ST3GAL3: variants seen among roughly 807,000 people sequenced by gnomAD.
ST3GAL3 encodes ST3 beta-galactoside alpha-2,3-sialyltransferase 3, also known as CMP-N-acetylneuraminate-beta-1,4-galactoside alpha-2,3-sialyltransferase.
A neutral mutation model predicts 50.1 loss-of-function variants in ST3GAL3; 21 were observed. The ratio of observed to expected loss-of-function variants is 0.42; its 90% CI spans 0.30 to 0.60. The LOEUF (loss-of-function observed/expected upper bound fraction) is 0.60. Ranked by LOEUF, ST3GAL3 falls within the 20% of genes least tolerant of loss-of-function variation. The probability of loss-of-function intolerance (pLI) is 0.19; values close to 1 mark genes in which losing one functional copy is unlikely to be tolerated. For synonymous variants in ST3GAL3, 183 were observed against 190.0 expected (o/e 0.96, Z 0.30); for missense variants, 353 against 489.4 (o/e 0.72, Z 2.63).
chr1:43,797,877 T>C (rs1167459022), intron 3 of ST3GAL3, among the ~76,000 whole-genome samples: 1 of 152,144 alleles, frequency 6.6e-6, no homozygotes, highest in Non-Finnish European at 1.5e-5. Flanking sequence ...AATAACTGAG[T>C]TTAGCAAGAT....
Position 43,930,190 on chromosome 1 carries a change from G to C in ST3GAL3, c.1097G>C (p.Arg366Pro). Residue 366 changes from arginine (R) to proline (P), a missense_variant, in exon 12 of 12, where the codon CGC becomes CCC. Coordinates refer to ENST00000347631, the MANE Select transcript of ST3GAL3 (RefSeq NM_006279.5). ...KEFLRKLVKA[R>P]VITDLSSGI is the part of the protein sequence containing the mutation. ...TTTCTGCGGAAGCTGGTGAAAGCTCGCGTCATCACTGATCTAAGCAGTGGC... is the reference window on the plus strand; with the variant it reads ...TTTCTGCGGAAGCTGGTGAAAGCTCCCGTCATCACTGATCTAAGCAGTGGC... 6.2e-7 allele frequency: 1 copy of C among 1,614,002 alleles called. No individual in the cohort carries two copies. Among genetic ancestry groups the C allele is most frequent in the Non-Finnish European group, 8.5e-7 (1 of 1,180,048 alleles).
At chr1:43,712,637 A>G (rs6684338) in intron 1 of ST3GAL3, among the ~76,000 whole-genome samples, 2,021 of 152,322 alleles carry the variant, frequency 0.013, 50 homozygotes, top group African/African-American at 0.047. Flanking sequence ...AGCGCACCTG[A>G]TATCGTGGGG....
At chr1:43,871,303 G>T (rs147880431) in intron 5 of ST3GAL3, among the ~76,000 whole-genome samples, 12 of 152,322 alleles carry the variant, frequency 7.9e-5, no homozygotes, top group African/African-American at 2.6e-4. Flanking sequence ...CCCTGGTAGA[G>T]AACTCAGGAG....
At chr1:43,926,274 G>A (rs890651759) in intron 11 of ST3GAL3, among the ~76,000 whole-genome samples, 1 of 152,152 alleles carries the variant, frequency 6.6e-6, no homozygotes, top group African/African-American at 2.4e-5. Context: ...GATACTTAAC[G>A]GTTGGGCGAG....
At chr1:43,869,149 T>G (rs1175750691) in intron 5 of ST3GAL3, among the ~76,000 whole-genome samples, 1 of 152,168 alleles carries the variant, frequency 6.6e-6, no homozygotes, top group Non-Finnish European at 1.5e-5. Context: ...CATTCCCCAC[T>G]TCCAATAGCT....
intron 2 of ST3GAL3, among the ~76,000 whole-genome samples, chr1:43,759,831 T>C (rs897044362): frequency 5.9e-5 from 9 of 152,196 alleles, no homozygotes; most frequent in African/African-American, 2.2e-4. Context: ...AACATTTAAT[T>C]TCATGAAATC....
At chr1:43,762,553 T>G (rs1210609092) in intron 2 of ST3GAL3, among the ~76,000 whole-genome samples, 1 of 152,152 alleles carries the variant, frequency 6.6e-6, no homozygotes, top group East Asian at 1.9e-4. Flanking sequence ...TTATCTCCTG[T>G]GAAGGTTGTT....
rs146596717 is a variant in ST3GAL3, at chr1:43,823,427, T to A, written c.209+8494T>A. On this transcript the variant is annotated intron_variant, in intron 4 of 11. Coordinates refer to ENST00000347631, the MANE Select transcript of ST3GAL3 (RefSeq NM_006279.5). ...GCCTCAGACTCTTGGCATTTGCTCA[T>A]TCCCTTGTCTGGAACACTCTTCCCC... Among the ~76,000 whole-genome samples the A allele has an allele frequency of 2.4e-3, 364 of 152,296 alleles. 1 individual carries two copies. Among genetic ancestry groups the A allele is most frequent in the African/African-American group, 8.3e-3 (343 of 41,564 alleles).
At position 43,731,859 on chromosome 1, in the gene ST3GAL3, G is replaced by A. The variant is rs1030217506; in HGVS notation, c.-30-4374G>A. On this transcript the variant is annotated intron_variant, in intron 1 of 11. Coordinates refer to ENST00000347631, the MANE Select transcript of ST3GAL3 (RefSeq NM_006279.5). ...GACTAATTTTTAAAAAAAATTTTTT[G>A]TAGAGACAGGGTCCTACTGTGTTGC... 5.9e-5 allele frequency among the ~76,000 whole-genome samples: 9 copies of A among 151,544 alleles called. No homozygotes were observed. The East Asian group carries it at 1.6e-3, about 26-fold the overall frequency.
chr1:43,772,077 A>C (rs1382198219), intron 2 of ST3GAL3: 2 of 395,776 alleles, frequency 5.1e-6, no homozygotes, highest in Non-Finnish European at 8.8e-6. Context: ...TTGCCTAGGC[A>C]CAAGTTTCAC....
chr1:43,904,882 C>T (rs1262023776), intron 9 of ST3GAL3, among the ~76,000 whole-genome samples: 8 of 140,752 alleles, frequency 5.7e-5, no homozygotes, highest in South Asian at 2.4e-4. Flanking sequence ...TGCTCCTCTT[C>T]CCGCCACTCT....
At chr1:43,905,310 TTTTCCTCCCCCTCCTCCTGTTCCC>T (rs2079137983) in intron 9 of ST3GAL3, among the ~76,000 whole-genome samples, 1 of 123,520 alleles carries the variant, frequency 8.1e-6, no homozygotes, top group Non-Finnish European at 1.7e-5. Flanking sequence ...TTCCTGCCAC[TTTTCCTCCCCCTCCTCCTGTTCCC>T]CTTCCCACCA....
chr1:43,851,400 AC>A (rs1454674261), intron 5 of ST3GAL3: 2 of 1,609,788 alleles, frequency 1.2e-6, no homozygotes, highest in Non-Finnish European at 1.7e-6. Flanking sequence ...CTGGACGTTG[AC>A]CCCCCAGCAC....
chr1:43,798,568 C>G (rs1302598297), intron 3 of ST3GAL3, among the ~76,000 whole-genome samples: 1 of 152,166 alleles, frequency 6.6e-6, no homozygotes, highest in Non-Finnish European at 1.5e-5. Context: ...CTGTTCTTAC[C>G]TCCTGCTTTG....
rs1432772420 is a variant in ST3GAL3 at position 43,734,294 on chromosome 1, CTTCTTTTTTTTTTG to C, written c.-30-1936_-30-1923del. ...TTCTTTCTTCTCTTTCTTTCTTCTT[CTTCTTTTTTTTTTG>C]TTTTTTTTTTTTTTGAGACAGGGTC... On this transcript the variant is annotated intron_variant, in intron 1 of 11. Transcript: ENST00000347631. 7.1e-3 allele frequency among the ~76,000 whole-genome samples: 873 copies of C among 122,466 alleles called. 7 individuals carry two copies. Among genetic ancestry groups the C allele is most frequent in the African/African-American group, 0.024 (834 of 35,438 alleles). 80.3% of individuals were successfully genotyped at this position (122,466 alleles called of 152,430 possible). A position where few individuals can be genotyped will look rare whatever the true frequency, so the allele number is the denominator to read the frequency against.
At chr1:43,851,115 G>T in intron 5 of ST3GAL3, 1 of 1,049,312 alleles carries the variant, frequency 9.5e-7, no homozygotes, top group Non-Finnish European at 1.5e-6. Context: ...GCATAGTCCA[G>T]GTTTTAGGAG....
At chr1:43,713,465 C>T (rs1311817766) in intron 1 of ST3GAL3, among the ~76,000 whole-genome samples, 1 of 151,128 alleles carries the variant, frequency 6.6e-6, no homozygotes, top group African/African-American at 2.4e-5. Flanking sequence ...TTACCTGGTT[C>T]ATGGTAGGTG....
At chr1:43,808,383 A>G (rs940228014) in intron 3 of ST3GAL3, among the ~76,000 whole-genome samples, 6 of 152,004 alleles carry the variant, frequency 3.9e-5, no homozygotes, top group African/African-American at 1.2e-4. Flanking sequence ...CAATGGAAAG[A>G]TAATTGGGCA....
intron 5 of ST3GAL3, among the ~76,000 whole-genome samples, chr1:43,876,789 T>C (rs796465624): frequency 6.6e-6 from 1 of 152,302 alleles, no homozygotes; most frequent in African/African-American, 2.4e-5. Context: ...CCAGTAGTTA[T>C]GGTTGTGACA....
Sources: gnomAD v4.1 joint callset for allele counts (sites outside exome capture counted in the v4.1 genomes callset) on GRCh38, gnomAD v4.1.1 for gene constraint, MANE v1.5 for transcripts, NCBI Gene and HGNC (gene_info 2026-07-23, HGNC 2026-07-21) for gene names.